CACNA2D3: variants seen among roughly 807,000 people sequenced by gnomAD.
The protein encoded by CACNA2D3 is calcium voltage-gated channel auxiliary subunit alpha2delta 3, also known as voltage-dependent calcium channel subunit alpha-2/delta-3.
In CACNA2D3, 60 loss-of-function variants were observed where a neutral mutation model predicts 160.6. That is an observed-to-expected ratio of 0.37 (90% CI 0.30 to 0.46). CACNA2D3 has a LOEUF of 0.46. Among genes scored for constraint, CACNA2D3 ranks in the 20% least tolerant of loss-of-function variants. The pLI is 1.00. For synonymous variants in CACNA2D3, 558 were observed against 492.9 expected (o/e 1.13, Z -1.75); for missense variants, 1,205 against 1,365.0 (o/e 0.88, Z 1.85).
chr3:54,675,036 C>T (rs1181533249), intron 11 of CACNA2D3, among the ~76,000 whole-genome samples: 1 of 152,106 alleles, frequency 6.6e-6, no homozygotes, highest in Admixed American at 6.6e-5. Context: ...GAGACAGCAG[C>T]AACAAGAGGG....
At chr3:55,018,454 C>A in intron 35 of CACNA2D3, 137 bp downstream of exon 35, 1 of 614,766 alleles carries the variant, frequency 1.6e-6, no homozygotes. Flanking sequence ...GGAAGTATTT[C>A]TATCAGCTTG....
At chr3:54,364,237 T>C (rs1198848243) in intron 3 of CACNA2D3, among the ~76,000 whole-genome samples, 1 of 152,220 alleles carries the variant, frequency 6.6e-6, no homozygotes, top group Admixed American at 6.5e-5. Context: ...TTTGACACTT[T>C]CGTAGCTCAA....
intron 9 of CACNA2D3, among the ~76,000 whole-genome samples, chr3:54,599,346 A>T (rs75875023): frequency 6.6e-6 from 1 of 152,340 alleles, no homozygotes; most frequent in Non-Finnish European, 1.5e-5. Flanking sequence ...ACCATATTAA[A>T]TCGCTATTTT....
chr3:54,406,465 ATT>A (rs1699578982), intron 4 of CACNA2D3, among the ~76,000 whole-genome samples: 1 of 152,170 alleles, frequency 6.6e-6, no homozygotes, highest in Admixed American at 6.5e-5. Flanking sequence ...ACAATGGAAT[ATT>A]ATTCAACCTT....
chr3:54,965,989 A>G (rs1194095995), intron 27 of CACNA2D3, among the ~76,000 whole-genome samples: 2 of 152,128 alleles, frequency 1.3e-5, no homozygotes, highest in East Asian at 3.9e-4. Flanking sequence ...ATGAGGAAAG[A>G]TGAAAGCGCC....
chr3:54,692,099 G>C (rs984198726), intron 11 of CACNA2D3, among the ~76,000 whole-genome samples: 2 of 151,898 alleles, frequency 1.3e-5, no homozygotes, highest in Admixed American at 1.3e-4. Flanking sequence ...TCAGCCTCCC[G>C]AGTAGCTGGG....
At chr3:54,351,875 G>T (rs746771970) in intron 3 of CACNA2D3, among the ~76,000 whole-genome samples, 2 of 152,116 alleles carry the variant, frequency 1.3e-5, no homozygotes, top group Non-Finnish European at 2.9e-5. Flanking sequence ...CAAAGATCTC[G>T]CAGAGTGGTC....
intron 2 of CACNA2D3, among the ~76,000 whole-genome samples, chr3:54,308,587 T>C (rs1404355769): frequency 6.6e-6 from 1 of 152,154 alleles, no homozygotes; most frequent in Non-Finnish European, 1.5e-5. Context: ...GAAATAAACC[T>C]TTATTGTGTG....
At chr3:54,924,881 T>C in intron 27 of CACNA2D3, 2 of 1,613,810 alleles carry the variant, frequency 1.2e-6, no homozygotes, top group Non-Finnish European at 1.7e-6. Flanking sequence ...AAAGTCTGCT[T>C]TCCAGGGAAA....
In CACNA2D3 at chr3:54,888,020, G is replaced by A. The variant is rs556784903; in HGVS notation, c.2118G>A (p.Ala706=). The change falls in exon 24 of 38, where the codon GCG becomes GCA. Residue 706 remains alanine, a synonymous_variant. Transcript: ENST00000474759. The part of the protein sequence containing the change: ...FDAVVSAPIE[A]YWTSLALNKS... Reference sequence around the variant, plus strand: ...CGGTGGTGAGTGCCCCCATTGAAGCGTATTGGACCAGCCTGGCCCTCAACA... The same window carrying A: ...CGGTGGTGAGTGCCCCCATTGAAGCATATTGGACCAGCCTGGCCCTCAACA... The A allele has an allele frequency of 7.1e-5, 114 of 1,613,890 alleles. No homozygotes were observed. The African/African-American group carries it at 7.1e-4, about 10-fold the overall frequency.
intron 11 of CACNA2D3, among the ~76,000 whole-genome samples, chr3:54,712,611 C>G (rs1700972784): frequency 3.3e-5 from 5 of 152,240 alleles, no homozygotes; most frequent in Admixed American, 3.3e-4. Context: ...CCACGTGGAA[C>G]TGAGAGTCTA....
At chr3:54,918,356 G>GGAAAA in intron 27 of CACNA2D3, 1 of 161,676 alleles carries the variant, frequency 6.2e-6, no homozygotes, top group Non-Finnish European at 1.1e-5. Flanking sequence ...TTTTTTTTTT[G>GGAAAA]TCTTTTGGCA....
intron 35 of CACNA2D3, among the ~76,000 whole-genome samples, chr3:55,051,697 C>A (rs1042193285): frequency 6.6e-6 from 1 of 152,176 alleles, no homozygotes; most frequent in Non-Finnish European, 1.5e-5. Flanking sequence ...GGCGCCCCTC[C>A]CCCAGCCTCG....
chr3:55,006,866 G>A (rs1344578764), intron 32 of CACNA2D3, among the ~76,000 whole-genome samples: 1 of 152,246 alleles, frequency 6.6e-6, no homozygotes. Context: ...GTGGGATTAA[G>A]CAGCTCTAGC....
chr3:54,322,338 C>T (rs1704021258), intron 3 of CACNA2D3, among the ~76,000 whole-genome samples: 2 of 152,244 alleles, frequency 1.3e-5, no homozygotes, highest in African/African-American at 2.4e-5. Context: ...AGCCTGGCGG[C>T]ATTACGAGAA....
chr3:54,778,261 G>A (rs980042611), intron 13 of CACNA2D3, among the ~76,000 whole-genome samples: 5 of 152,086 alleles, frequency 3.3e-5, no homozygotes, highest in East Asian at 1.9e-4. Flanking sequence ...GTCACCTCCC[G>A]GCAGGCCCCT....
At chr3:54,670,229 C>G (rs763206998) in intron 11 of CACNA2D3, among the ~76,000 whole-genome samples, 8 of 152,188 alleles carry the variant, frequency 5.3e-5, no homozygotes, top group Non-Finnish European at 1.2e-4. Flanking sequence ...CAAAAGGTGA[C>G]TGCCACAGAT....
chr3:54,488,328 A>T (rs1287635595), intron 4 of CACNA2D3, among the ~76,000 whole-genome samples: 1 of 152,148 alleles, frequency 6.6e-6, no homozygotes, highest in Non-Finnish European at 1.5e-5. Context: ...AAACCAACTG[A>T]TGAATGAAAG....
intron 4 of CACNA2D3, among the ~76,000 whole-genome samples, chr3:54,469,946 T>G (rs555814076): frequency 6.6e-6 from 1 of 152,306 alleles, no homozygotes; most frequent in South Asian, 2.1e-4. Context: ...AGACCAAACT[T>G]ACTTTTGACT....
Sources: allele counts gnomAD v4.1 joint callset (sites outside exome capture counted in the v4.1 genomes callset), GRCh38; gene constraint gnomAD v4.1.1; transcripts MANE v1.5; gene names NCBI Gene and HGNC (gene_info 2026-07-23, HGNC 2026-07-21).